CCDC144A: variants seen among roughly 807,000 people sequenced by gnomAD.
CCDC144A encodes the protein coiled-coil domain containing 144A.
Under a neutral mutation model 143.8 loss-of-function variants are expected in CCDC144A, and 41 were observed. That is an observed-to-expected ratio of 0.29 (90% CI 0.22 to 0.37). The LOEUF (loss-of-function observed/expected upper bound fraction) is 0.37. CCDC144A is among the 10% of genes least tolerant of loss of function. CCDC144A has a pLI of 1.00. For missense variants in CCDC144A, 637 were observed against 1,488.8 expected, an observed-to-expected ratio of 0.43 and a Z score of 9.41; for synonymous variants, 242 against 517.9, an observed-to-expected ratio of 0.47 and a Z score of 7.23.
chr17:16,680,591 GAGAAATAA>G, the CCDC144A span, among the ~76,000 whole-genome samples: 1 of 132,742 alleles, frequency 7.5e-6, no homozygotes, highest in South Asian at 2.6e-4. Context: ...AAGAGAGAGA[GAGAAATAA>G]AGAAAAAGGA....
the CCDC144A span, among the ~76,000 whole-genome samples, chr17:16,678,754 T>C: frequency 4.1e-4 from 56 of 138,034 alleles, no homozygotes; most frequent in African/African-American, 1.7e-3. Context: ...CTAATTTGTT[T>C]TTTTTTTTTT....
At chr17:16,675,433 C>T in the CCDC144A span, among the ~76,000 whole-genome samples, 1 of 150,238 alleles carries the variant, frequency 6.7e-6, no homozygotes, top group Non-Finnish European at 1.5e-5. Flanking sequence ...ATAAAAGGAG[C>T]AGATATTTAA....
intron 10 of CCDC144A, 59 bp from the exon 11 acceptor site, chr17:16,732,479 T>A (rs1913782462): frequency 7.4e-7 from 1 of 1,355,120 alleles, no homozygotes; most frequent in East Asian, 2.3e-5. Flanking sequence ...GCTCTGCTCT[T>A]AACCTTTTAG....
chr17:16,712,344 G>A (rs1474712631), intron 6 of CCDC144A, among the ~76,000 whole-genome samples: 1 of 152,034 alleles, frequency 6.6e-6, no homozygotes, highest in Non-Finnish European at 1.5e-5. Context: ...GGAAGTATTG[G>A]CAAATGTGAA....
At chr17:16,703,599 T>G (rs1365517502) in intron 2 of CCDC144A, among the ~76,000 whole-genome samples, 1 of 152,096 alleles carries the variant, frequency 6.6e-6, no homozygotes, top group Non-Finnish European at 1.5e-5. Flanking sequence ...GGTCAGGAGA[T>G]CGAGACCATC....
At chr17:16,666,799 G>C in the CCDC144A span, 1 of 162,436 alleles carries the variant, frequency 6.2e-6, no homozygotes, top group East Asian at 1.9e-4. Flanking sequence ...GGAGCTTTCA[G>C]ATCCCCGGGA....
rs1915973575 is a variant in CCDC144A at position 16,775,476 on chromosome 17, TG to T, written c.*1844del. 1.3e-5 allele frequency: 2 copies of T among 152,396 alleles called. No homozygotes were observed. The highest frequency in any genetic ancestry group is 4.8e-5 in the African/African-American group (2 of 41,582). 9.4% of individuals were successfully genotyped at this position (152,396 alleles called of 1,614,324 possible). A position where few individuals can be genotyped will look rare whatever the true frequency, so the allele number is the denominator to read the frequency against. On this transcript the variant is annotated 3_prime_UTR_variant, in exon 17 of 17. Coordinates refer to ENST00000399273, the MANE Select transcript of CCDC144A (RefSeq NM_001382000.1). The stretch of plus-strand genomic sequence containing the variant: ...ATGATCAGTGATGTTGAAGTTTTTT[TG>T]TTTGTTGGCTGCATGTATGCCTTCT...
chr17:16,702,336 G>A (rs1050312058), intron 2 of CCDC144A, among the ~76,000 whole-genome samples: 3 of 152,128 alleles, frequency 2.0e-5, no homozygotes, highest in African/African-American at 7.2e-5. Context: ...CTTTCCAATG[G>A]TTCTGTCCAT....
the CCDC144A span, among the ~76,000 whole-genome samples, chr17:16,682,238 TGA>T: frequency 1.4e-5 from 2 of 138,098 alleles, no homozygotes; most frequent in Non-Finnish European, 3.2e-5. Flanking sequence ...TGTGTGTGTG[TGA>T]GATGGAGAGA....
chr17:16,745,954 TG>T, intron 12 of CCDC144A: 2 of 1,606,612 alleles, frequency 1.2e-6, no homozygotes, highest in Admixed American at 3.4e-5. Flanking sequence ...TGGTGAGCTC[TG>T]TGCCTCCTGC....
chr17:16,703,473 T>C (rs1445050176), intron 2 of CCDC144A, among the ~76,000 whole-genome samples: 4 of 152,172 alleles, frequency 2.6e-5, no homozygotes, highest in Non-Finnish European at 5.9e-5. Context: ...TGTCTTTTGA[T>C]ATTTACTATT....
At chr17:16,702,122 A>C (rs1299700700) in intron 2 of CCDC144A, among the ~76,000 whole-genome samples, 1 of 152,140 alleles carries the variant, frequency 6.6e-6, no homozygotes, top group Non-Finnish European at 1.5e-5. Context: ...AATAAATGAA[A>C]AATAATTTTG....
chr17:16,669,931 C>T, the CCDC144A span, among the ~76,000 whole-genome samples: 2 of 152,016 alleles, frequency 1.3e-5, no homozygotes, highest in Non-Finnish European at 1.5e-5. Flanking sequence ...GGCTATAATC[C>T]CAGCCCTTTG....
chr17:16,690,043 T>G (rs993824831), upstream of CCDC144A: 1 of 171,882 alleles, frequency 5.8e-6, no homozygotes, highest in African/African-American at 2.4e-5. Context: ...GGAGTCTTTT[T>G]CTGGGAGGCT....
In CCDC144A at chr17:16,734,675, T is replaced by G; in HGVS notation, c.2419-15T>G. 1 of 1,508,412 alleles carries G rather than the reference T, an allele frequency of 6.6e-7. No individual in the cohort carries two copies. Among genetic ancestry groups the G allele is most frequent in the Non-Finnish European group, 8.8e-7 (1 of 1,133,420 alleles). The allele number at this position is 1,508,412 out of a possible 1,614,324, so 93.4% of individuals were successfully genotyped here. ...ATTTTATTGAGTGCTACTGAATGTTTCCTTTCTTACTTAGATTTCTCATAG... is the reference window on the plus strand; with the variant it reads ...ATTTTATTGAGTGCTACTGAATGTTGCCTTTCTTACTTAGATTTCTCATAG... On this transcript the variant is annotated splice_polypyrimidine_tract_variant and intron_variant, in intron 11 of 16. Coordinates refer to ENST00000399273, the MANE Select transcript of CCDC144A (RefSeq NM_001382000.1).
At chr17:16,743,854 G>C (rs1914370716) in intron 12 of CCDC144A, among the ~76,000 whole-genome samples, 2 of 152,102 alleles carry the variant, frequency 1.3e-5, no homozygotes, top group South Asian at 4.1e-4. Flanking sequence ...CCTTCTTATA[G>C]TCCCCACTGT....
the CCDC144A span, among the ~76,000 whole-genome samples, chr17:16,669,177 C>A: frequency 2.0e-5 from 3 of 152,170 alleles, no homozygotes; most frequent in African/African-American, 7.2e-5. Flanking sequence ...GCTTCCTATA[C>A]TATATATATC....
chr17:16,743,940 G>A (rs1914374289), intron 12 of CCDC144A, among the ~76,000 whole-genome samples: 1 of 152,218 alleles, frequency 6.6e-6, no homozygotes, highest in Admixed American at 6.5e-5. Context: ...GTAGTATTTG[G>A]TTTTCTGTTT....
intron 2 of CCDC144A, among the ~76,000 whole-genome samples, chr17:16,698,291 G>T (rs1301740639): frequency 6.6e-6 from 1 of 152,132 alleles, no homozygotes; most frequent in Non-Finnish European, 1.5e-5. Flanking sequence ...ATTTACAAAG[G>T]TGAGAATTTC....
Sources: gnomAD v4.1 joint callset for allele counts (sites outside exome capture counted in the v4.1 genomes callset) on GRCh38, gnomAD v4.1.1 for gene constraint, MANE v1.5 for transcripts, NCBI Gene and HGNC (gene_info 2026-07-23, HGNC 2026-07-21) for gene names.